Variants in TIAM2 observed in about 807,000 individuals in gnomAD.
The protein encoded by TIAM2 is TIAM Rac1 associated GEF 2, also known as rho guanine nucleotide exchange factor TIAM2.
In TIAM2, 80 loss-of-function variants were observed where a neutral mutation model predicts 152.9. The observed-to-expected ratio is 0.52, with a 90% CI of 0.44 to 0.63. The LOEUF (loss-of-function observed/expected upper bound fraction) is 0.63, where lower values mean the gene tolerates loss of function less well. TIAM2 is among the 30% of genes least tolerant of loss of function. The pLI is 0.00. For synonymous variants in TIAM2, 804 were observed against 838.0 expected (o/e 0.96, Z 0.70); for missense variants, 1,965 against 2,120.1 (o/e 0.93, Z 1.44).
intron 9 of TIAM2, among the ~76,000 whole-genome samples, chr6:155,172,671 TA>T (rs1562341179): frequency 8.7e-3 from 97 of 11,192 alleles, no homozygotes; most frequent in African/African-American, 0.019. Context: ...TATATATATA[TA>T]TATATATATA....
chr6:155,196,375 G>T (rs992258289), intron 14 of TIAM2, among the ~76,000 whole-genome samples: 1 of 152,236 alleles, frequency 6.6e-6, no homozygotes, highest in South Asian at 2.1e-4. Context: ...TTCCAAAACC[G>T]TTTTGAAATG....
At chr6:155,082,666 CAATAAATAAATA>C (rs200019932) in intron 1 of TIAM2, among the ~76,000 whole-genome samples, 83 of 141,376 alleles carry the variant, frequency 5.9e-4, no homozygotes, top group East Asian at 5.8e-3. Context: ...AAAAAAACCC[CAATAAATAAATA>C]AATAAATAAA....
In TIAM2 at chr6:155,194,591, C is replaced by A. The variant is rs73577416; in HGVS notation, c.3064+11091C>A. On this transcript the variant is annotated intron_variant, in intron 14 of 26. Transcript: ENST00000682666. ...ACTCTGTCCTCCTCCTTTACAGGGACTCTGTCTTGTATTTGTCACCAATAA... is the reference window on the plus strand; with the variant it reads ...ACTCTGTCCTCCTCCTTTACAGGGAATCTGTCTTGTATTTGTCACCAATAA... 2.6e-3 allele frequency among the ~76,000 whole-genome samples: 390 copies of A among 152,304 alleles called. 2 individuals carry two copies. The highest frequency in any genetic ancestry group is 9.1e-3 in the African/African-American group (378 of 41,560).
chr6:155,252,727 T>C (rs1783742426), intron 23 of TIAM2, among the ~76,000 whole-genome samples: 1 of 152,238 alleles, frequency 6.6e-6, no homozygotes, highest in African/African-American at 2.4e-5. Context: ...CTTTGAGACC[T>C]GTAACTGCTT....
chr6:155,104,711 C>A lies in TIAM2; in HGVS notation c.-118+14332C>A, dbSNP rs528916432. On this transcript the variant is annotated intron_variant, in intron 2 of 26. Coordinates refer to ENST00000682666, the MANE Select transcript of TIAM2 (RefSeq NM_012454.4). ...GGCGGAGGTTGCCGTGAGCCGAGAT[C>A]GTGCCTCTGCACTCCAGCCTGGGCA... Among the ~76,000 whole-genome samples the A allele has an allele frequency of 3.3e-5, 5 of 149,626 alleles. No homozygotes were observed. In the South Asian group the frequency reaches 6.3e-4, roughly 19 times the overall value.
chr6:155,178,887 T>G (rs1780823844), intron 10 of TIAM2, 152 bp from the exon 11 acceptor site: 1 of 651,108 alleles, frequency 1.5e-6, no homozygotes, highest in Non-Finnish European at 2.6e-6. Flanking sequence ...CATACAAGTA[T>G]TTAAATTCGA....
At chr6:155,234,003 T>C (rs12194125) in intron 15 of TIAM2, among the ~76,000 whole-genome samples, 193 of 147,364 alleles carry the variant, frequency 1.3e-3, no homozygotes, top group African/African-American at 2.3e-3. Flanking sequence ...AAATTTTTTT[T>C]GGGGGGGGGT....
At chr6:155,055,977 A>G (rs1777441777) in intron 1 of TIAM2, among the ~76,000 whole-genome samples, 1 of 152,092 alleles carries the variant, frequency 6.6e-6, no homozygotes, top group South Asian at 2.1e-4. Flanking sequence ...AAACAAAACA[A>G]CAACAACAAA....
chr6:155,029,062 G>A (rs1219900189), intron 1 of TIAM2, among the ~76,000 whole-genome samples: 2 of 111,638 alleles, frequency 1.8e-5, no homozygotes, highest in African/African-American at 3.9e-5. Flanking sequence ...TATATACACT[G>A]TATATACTAT....
intron 1 of TIAM2, among the ~76,000 whole-genome samples, chr6:155,047,065 T>C (rs1190435096): frequency 6.6e-6 from 1 of 152,194 alleles, no homozygotes; most frequent in Admixed American, 6.5e-5. Flanking sequence ...AAAACGTCTT[T>C]AATGTGCTTT....
intron 1 of TIAM2, among the ~76,000 whole-genome samples, chr6:155,011,043 T>TC (rs1554223818): frequency 1.1e-5 from 1 of 94,320 alleles, no homozygotes; most frequent in Admixed American, 1.3e-4. Flanking sequence ...AAACTCTGTC[T>TC]CAAAAAAAAA....
At chr6:155,003,472 T>A (rs561003194) in intron 1 of TIAM2, among the ~76,000 whole-genome samples, 6 of 152,076 alleles carry the variant, frequency 3.9e-5, no homozygotes, top group Admixed American at 1.3e-4. Flanking sequence ...AGAGTGAGAC[T>A]CTGTCTCAAA....
At chr6:155,176,020 ATAGTCT>A (rs1181482973) in intron 9 of TIAM2, among the ~76,000 whole-genome samples, 2 of 152,226 alleles carry the variant, frequency 1.3e-5, no homozygotes, top group East Asian at 3.8e-4. Context: ...AAAAACACAG[ATAGTCT>A]TAGAAGAGAA....
chr6:155,252,922 T>A (rs1250379025), intron 23 of TIAM2, 26 bp from the exon 24 acceptor site: 1 of 1,600,220 alleles, frequency 6.2e-7, no homozygotes, highest in East Asian at 2.2e-5. Flanking sequence ...CCCTAACACT[T>A]TTCTTGGTGG....
At chr6:155,200,709 C>G (rs1562351713) in intron 14 of TIAM2, among the ~76,000 whole-genome samples, 1 of 152,054 alleles carries the variant, frequency 6.6e-6, no homozygotes, top group Non-Finnish European at 1.5e-5. Flanking sequence ...TCGAGACCAT[C>G]CTGGCCAATG....
intron 1 of TIAM2, among the ~76,000 whole-genome samples, chr6:155,071,366 A>T (rs1777834086): frequency 1.3e-5 from 2 of 152,148 alleles, no homozygotes; most frequent in Admixed American, 1.3e-4. Flanking sequence ...AGCATTTTAG[A>T]CTGGACTTAT....
intron 2 of TIAM2, among the ~76,000 whole-genome samples, chr6:155,124,746 C>G (rs1779251546): frequency 6.6e-6 from 1 of 152,178 alleles, no homozygotes; most frequent in South Asian, 2.1e-4. Context: ...TGTGACACAG[C>G]TGCCTACTAA....
At chr6:155,234,896 G>A (rs184125923) in intron 15 of TIAM2, among the ~76,000 whole-genome samples, 10 of 152,256 alleles carry the variant, frequency 6.6e-5, no homozygotes, top group African/African-American at 2.2e-4. Context: ...AGCAGGAGGC[G>A]TGAGGAACTA....
chr6:155,031,411 A>G (rs1003482953), intron 1 of TIAM2, among the ~76,000 whole-genome samples: 3 of 152,162 alleles, frequency 2.0e-5, no homozygotes, highest in Admixed American at 6.6e-5. Flanking sequence ...AAATTGCAAA[A>G]GAGTTTTTGT....
Sources: allele counts gnomAD v4.1 joint callset (sites outside exome capture counted in the v4.1 genomes callset), GRCh38; gene constraint gnomAD v4.1.1; transcripts MANE v1.5; gene names NCBI Gene and HGNC (gene_info 2026-07-23, HGNC 2026-07-21).